NRG3: variants seen among roughly 807,000 people sequenced by gnomAD.
The protein encoded by NRG3 is pro-neuregulin-3, membrane-bound isoform.
NRG3 carries 31 observed loss-of-function variants against 66.9 expected under a neutral mutation model. The ratio of observed to expected loss-of-function variants is 0.46; its 90% CI spans 0.35 to 0.63. The LOEUF is 0.63. Among genes scored for constraint, NRG3 ranks in the 20% least tolerant of loss-of-function variants. The probability of loss-of-function intolerance (pLI) is 0.00; values close to 1 mark genes in which losing one functional copy is unlikely to be tolerated. For missense variants in NRG3, 910 were observed against 878.9 expected, an observed-to-expected ratio of 1.04 and a Z score of -0.45; for synonymous variants, 393 against 359.4, an observed-to-expected ratio of 1.09 and a Z score of -1.06.
chr10:82,650,990 CT>C (rs1489220307), intron 2 of NRG3, among the ~76,000 whole-genome samples: 1 of 152,142 alleles, frequency 6.6e-6, no homozygotes, highest in Non-Finnish European at 1.5e-5. Context: ...AACAGAGAAG[CT>C]TTAGCTCAAG....
chr10:82,395,039 A>G (rs1485002344), intron 2 of NRG3, among the ~76,000 whole-genome samples: 1 of 152,148 alleles, frequency 6.6e-6, no homozygotes, highest in Non-Finnish European at 1.5e-5. Context: ...GAGTCTGCAG[A>G]TAATTGGAAG....
At chr10:82,365,702 A>G (rs1396741057) in intron 2 of NRG3, among the ~76,000 whole-genome samples, 8 of 152,062 alleles carry the variant, frequency 5.3e-5, no homozygotes, top group African/African-American at 1.9e-4. Flanking sequence ...ATATTTAAGT[A>G]TCATGCAAAA....
chr10:82,934,553 C>T (rs1847882947), intron 4 of NRG3, among the ~76,000 whole-genome samples: 1 of 152,166 alleles, frequency 6.6e-6, no homozygotes, highest in African/African-American at 2.4e-5. Flanking sequence ...GTCCATCATC[C>T]TTAGATCCTG....
At chr10:82,019,931 A>G (rs575654333) in intron 1 of NRG3, among the ~76,000 whole-genome samples, 255 of 151,806 alleles carry the variant, frequency 1.7e-3, no homozygotes, top group African/African-American at 5.8e-3. Context: ...TTGTGTCTCC[A>G]TTTCCTTTAG....
chr10:82,170,200 T>C (rs754838676), intron 1 of NRG3, among the ~76,000 whole-genome samples: 3 of 152,060 alleles, frequency 2.0e-5, no homozygotes, highest in Admixed American at 6.6e-5. Flanking sequence ...GTCCCATCTG[T>C]TCCTGGCCTA....
At chr10:82,715,667 T>C (rs2056926363) in intron 2 of NRG3, among the ~76,000 whole-genome samples, 1 of 152,236 alleles carries the variant, frequency 6.6e-6, no homozygotes, top group Admixed American at 6.5e-5. Context: ...TATTAGTTAT[T>C]ATTTTAAACG....
At chr10:82,001,895 T>G (rs755479053) in intron 1 of NRG3, among the ~76,000 whole-genome samples, 13 of 152,204 alleles carry the variant, frequency 8.5e-5, no homozygotes, top group Non-Finnish European at 2.9e-5. Context: ...TCCTCTGGTT[T>G]TAGAAACAGG....
intron 1 of NRG3, among the ~76,000 whole-genome samples, chr10:82,131,925 GT>G (rs1355242364): frequency 1.3e-5 from 2 of 151,942 alleles, no homozygotes; most frequent in Non-Finnish European, 2.9e-5. Flanking sequence ...AGTAGTAATA[GT>G]TTTTTTGGTG....
intron 1 of NRG3, among the ~76,000 whole-genome samples, chr10:82,306,661 G>A (rs532185411): frequency 2.4e-5 from 3 of 124,564 alleles, no homozygotes; most frequent in East Asian, 5.2e-4. Flanking sequence ...CCGAGATCGC[G>A]CCACTGCACT....
intron 2 of NRG3, among the ~76,000 whole-genome samples, chr10:82,428,468 G>A (rs1042519280): frequency 6.6e-6 from 1 of 151,598 alleles, no homozygotes; most frequent in African/African-American, 2.4e-5. Flanking sequence ...AACAGTGTGG[G>A]TTTTGTTTGT....
At chr10:82,550,428 C>T (rs1158130220) in intron 2 of NRG3, among the ~76,000 whole-genome samples, 2 of 152,050 alleles carry the variant, frequency 1.3e-5, no homozygotes, top group African/African-American at 4.8e-5. Flanking sequence ...CCATTTCACT[C>T]CACTGACTGG....
chr10:82,774,821 CTTTTTTTT>C (rs992021420), intron 3 of NRG3, among the ~76,000 whole-genome samples: 4 of 78,022 alleles, frequency 5.1e-5, no homozygotes, highest in African/African-American at 2.6e-4. Context: ...TTTCTTTTTT[CTTTTTTTT>C]TTTTTTTTTT....
intron 1 of NRG3, among the ~76,000 whole-genome samples, chr10:82,348,475 A>T (rs1266794142): frequency 2.0e-5 from 3 of 150,498 alleles, no homozygotes; most frequent in Non-Finnish European, 2.9e-5. Flanking sequence ...GGGTAACCTG[A>T]CCTTTCTCTC....
At chr10:82,479,828 C>T (rs1424861186) in intron 2 of NRG3, among the ~76,000 whole-genome samples, 1 of 151,492 alleles carries the variant, frequency 6.6e-6, no homozygotes, top group African/African-American at 2.4e-5. Flanking sequence ...ATTAGCGGGG[C>T]GTGGTGGTGG....
At chr10:82,448,182 A>G (rs1420839216) in intron 2 of NRG3, among the ~76,000 whole-genome samples, 2 of 152,194 alleles carry the variant, frequency 1.3e-5, no homozygotes, top group East Asian at 3.9e-4. Context: ...ACTATTAGAA[A>G]CAGGTATTCA....
intron 3 of NRG3, among the ~76,000 whole-genome samples, chr10:82,774,724 T>C (rs896843951): frequency 1.3e-5 from 2 of 151,738 alleles, no homozygotes; most frequent in African/African-American, 4.8e-5. Flanking sequence ...AAACAACTCT[T>C]GGTTTTATTG....
At chr10:82,787,514 G>A (rs1352477490) in intron 3 of NRG3, among the ~76,000 whole-genome samples, 1 of 152,116 alleles carries the variant, frequency 6.6e-6, no homozygotes, top group African/African-American at 2.4e-5. Flanking sequence ...TTTCAAGAAG[G>A]CATTTCAGGC....
intron 2 of NRG3, among the ~76,000 whole-genome samples, chr10:82,377,589 T>A (rs1016957046): frequency 3.3e-5 from 5 of 152,022 alleles, no homozygotes; most frequent in African/African-American, 1.2e-4. Flanking sequence ...ACAGGACTTG[T>A]TTGAGAAGAG....
intron 1 of NRG3, among the ~76,000 whole-genome samples, chr10:82,126,209 A>C (rs2068440210): frequency 6.6e-6 from 1 of 152,152 alleles, no homozygotes; most frequent in African/African-American, 2.4e-5. Context: ...GATACCTTAG[A>C]TAATAAATTA....
Sources: allele counts gnomAD v4.1 joint callset (sites outside exome capture counted in the v4.1 genomes callset), GRCh38; gene constraint gnomAD v4.1.1; transcripts MANE v1.5; gene names NCBI Gene and HGNC (gene_info 2026-07-23, HGNC 2026-07-21).